NRXN1: variants seen among roughly 807,000 people sequenced by gnomAD.
The protein encoded by NRXN1 is neurexin-1.
In NRXN1, 39 loss-of-function variants were observed where a neutral mutation model predicts 150.9. The observed-to-expected ratio is 0.26, with a 90% CI of 0.20 to 0.34. The LOEUF is 0.34. NRXN1 is among the 10% of genes least tolerant of loss of function. NRXN1 has a pLI of 1.00. For missense variants in NRXN1, 1,815 were observed against 1,949.9 expected, an observed-to-expected ratio of 0.93 and a Z score of 1.30; for synonymous variants, 924 against 757.0, an observed-to-expected ratio of 1.22 and a Z score of -3.62.
intron 5 of NRXN1, among the ~76,000 whole-genome samples, chr2:50,775,651 C>T (rs1191018348): frequency 2.0e-5 from 3 of 152,032 alleles, no homozygotes; most frequent in Admixed American, 2.0e-4. Context: ...AGTGTTCTGT[C>T]CAGGTGGTTG....
chr2:50,431,879 C>T (rs1253970151), intron 17 of NRXN1, among the ~76,000 whole-genome samples: 2 of 151,974 alleles, frequency 1.3e-5, no homozygotes, highest in African/African-American at 4.8e-5. Flanking sequence ...CATTGCTGTT[C>T]CCAGCACTTT....
intron 18 of NRXN1, among the ~76,000 whole-genome samples, chr2:50,117,333 T>G (rs1703200962): frequency 6.6e-6 from 1 of 152,120 alleles, no homozygotes; most frequent in Admixed American, 6.6e-5. Flanking sequence ...TTATTACATG[T>G]TCCCATGAAG....
At chr2:50,219,158 A>G (rs1293789215) in intron 18 of NRXN1, among the ~76,000 whole-genome samples, 1 of 151,970 alleles carries the variant, frequency 6.6e-6, no homozygotes, top group Non-Finnish European at 1.5e-5. Context: ...TCAATTAGGT[A>G]TTGCAGATGA....
intron 18 of NRXN1, among the ~76,000 whole-genome samples, chr2:50,150,665 T>A (rs2058643352): frequency 6.6e-6 from 1 of 151,740 alleles, no homozygotes; most frequent in South Asian, 2.1e-4. Context: ...TAGATACCTA[T>A]CTATATTTTT....
chr2:50,411,217 G>A (rs923060572), intron 17 of NRXN1, among the ~76,000 whole-genome samples: 3 of 152,112 alleles, frequency 2.0e-5, no homozygotes, highest in Non-Finnish European at 4.4e-5. Context: ...TGGTGGAGAC[G>A]GGGTTTCGCC....
intron 5 of NRXN1, among the ~76,000 whole-genome samples, chr2:50,743,207 C>T (rs1699645621): frequency 1.3e-5 from 2 of 152,014 alleles, no homozygotes; most frequent in Admixed American, 6.6e-5. Context: ...TAGGTGGGTC[C>T]CTACCTCGTG....
At chr2:50,310,795 G>A (rs2075110515) in intron 17 of NRXN1, among the ~76,000 whole-genome samples, 1 of 152,062 alleles carries the variant, frequency 6.6e-6, no homozygotes, top group Non-Finnish European at 1.5e-5. Flanking sequence ...TTCAACAGAG[G>A]AGAAAATATT....
At chr2:50,827,529 T>C (rs1670621940) in intron 5 of NRXN1, among the ~76,000 whole-genome samples, 1 of 150,392 alleles carries the variant, frequency 6.6e-6, no homozygotes, top group Non-Finnish European at 1.5e-5. Context: ...AGTAAACTCT[T>C]TTAAAGACTT....
intron 17 of NRXN1, among the ~76,000 whole-genome samples, chr2:50,270,327 C>CTT (rs1052643757): frequency 6.6e-6 from 1 of 152,046 alleles, no homozygotes; most frequent in Non-Finnish European, 1.5e-5. Flanking sequence ...ACATATGAAA[C>CTT]TTTAATAATT....
chr2:50,131,996 A>G (rs1211620559), intron 18 of NRXN1, among the ~76,000 whole-genome samples: 2 of 152,176 alleles, frequency 1.3e-5, no homozygotes, highest in African/African-American at 2.4e-5. Flanking sequence ...GTGTGTGAGC[A>G]GTGTTGATAC....
intron 18 of NRXN1, among the ~76,000 whole-genome samples, chr2:50,227,245 A>G (rs772358056): frequency 1.3e-5 from 2 of 152,008 alleles, no homozygotes; most frequent in Non-Finnish European, 2.9e-5. Flanking sequence ...TGGAGAAGTA[A>G]ATTACTAAGT....
At chr2:50,975,008 G>C (rs1341472927) in intron 2 of NRXN1, among the ~76,000 whole-genome samples, 1 of 151,800 alleles carries the variant, frequency 6.6e-6, no homozygotes, top group East Asian at 1.9e-4. Flanking sequence ...CCCAAAATGT[G>C]GTTCCAGGGC....
intron 5 of NRXN1, among the ~76,000 whole-genome samples, chr2:50,869,372 G>A (rs990190985): frequency 2.6e-5 from 4 of 151,398 alleles, no homozygotes; most frequent in African/African-American, 7.3e-5. Flanking sequence ...TGCTACTACT[G>A]TAATTCTCAA....
intron 9 of NRXN1, among the ~76,000 whole-genome samples, chr2:50,541,984 ATAGAAAGAACAAG>A (rs1223611767): frequency 3.9e-5 from 6 of 152,168 alleles, no homozygotes; most frequent in Non-Finnish European, 7.4e-5. Flanking sequence ...TAGAGTTCTC[ATAGAAAGAACAAG>A]CAGGCCAGGC....
chr2:50,151,197 C>A (rs1002149659), intron 18 of NRXN1, among the ~76,000 whole-genome samples: 1 of 151,702 alleles, frequency 6.6e-6, no homozygotes, highest in East Asian at 1.9e-4. Context: ...ACTCTTCTTT[C>A]CTCAGCTTTG....
intron 21 of NRXN1, among the ~76,000 whole-genome samples, chr2:50,011,213 C>T (rs1359455135): frequency 7.2e-5 from 11 of 152,142 alleles, no homozygotes; most frequent in Admixed American, 7.2e-4. Flanking sequence ...ACAATCTCTG[C>T]AGTCACTAAG....
chr2:50,961,887 C>A (rs1342303787), intron 2 of NRXN1, among the ~76,000 whole-genome samples: 2 of 151,286 alleles, frequency 1.3e-5, no homozygotes, highest in Non-Finnish European at 1.5e-5. Context: ...AGTATACCAT[C>A]TGTTATCTTA....
intron 2 of NRXN1, among the ~76,000 whole-genome samples, chr2:51,013,042 G>C (rs540012167): frequency 6.6e-6 from 1 of 152,092 alleles, no homozygotes. Context: ...GACACCACTC[G>C]AATATTCTGT....
chr2:50,183,682 C>T (rs1186344508), intron 18 of NRXN1, among the ~76,000 whole-genome samples: 1 of 149,478 alleles, frequency 6.7e-6, no homozygotes, highest in Non-Finnish European at 1.5e-5. Flanking sequence ...CTATTGGCAT[C>T]TAGTGTGCAA....
Sources: allele counts gnomAD v4.1 joint callset (sites outside exome capture counted in the v4.1 genomes callset), GRCh38; gene constraint gnomAD v4.1.1; transcripts MANE v1.5; gene names NCBI Gene and HGNC (gene_info 2026-07-23, HGNC 2026-07-21).